Variants in KCNT1 observed in about 807,000 individuals in gnomAD.
KCNT1 encodes potassium channel subfamily T member 1.
In KCNT1, 78 loss-of-function variants were observed where a neutral mutation model predicts 147.8. The observed-to-expected ratio is 0.53, with a 90% confidence interval of 0.44 to 0.64. The LOEUF (loss-of-function observed/expected upper bound fraction) is 0.64, where lower values mean the gene tolerates loss of function less well. Among genes scored for constraint, KCNT1 ranks in the 30% least tolerant of loss-of-function variants. KCNT1 has a pLI of 0.00. For synonymous variants in KCNT1, 867 were observed against 748.8 expected (o/e 1.16, Z -2.58); for missense variants, 1,419 against 1,750.3 (o/e 0.81, Z 3.38).
intron 2 of KCNT1, among the ~76,000 whole-genome samples, chr9:135,717,049 G>C (rs1835747503): frequency 6.6e-6 from 1 of 151,630 alleles, no homozygotes. Flanking sequence ...CTGTGGTGTT[G>C]GTGTCTATAG....
Position 135,792,152 on chromosome 9 carries a change from A to C in KCNT1, c.3699A>C (p.Thr1233=), listed in dbSNP as rs750109650. ...GCAACCCCGAGACTCGCGACGAGAC[A>C]CAGCTCTGAGCCAGCCCTGCACGGA... ...SSCNPETRDE[T]QL is the part of the protein sequence containing the mutation. Residue 1233 remains threonine, a synonymous_variant, in exon 31 of 31, where the codon ACA becomes ACC. Transcript: ENST00000371757. 1.2e-6 allele frequency: 2 copies of C among 1,605,568 alleles called. No homozygotes were observed. The highest frequency in any genetic ancestry group is 1.7e-5 in the Admixed American group (1 of 59,912).
intron 19 of KCNT1, among the ~76,000 whole-genome samples, chr9:135,774,575 T>C (rs1318142322): frequency 6.6e-6 from 1 of 151,606 alleles, no homozygotes; most frequent in Non-Finnish European, 1.5e-5. Flanking sequence ...TGTGTCTGTG[T>C]GTTGTGTGTC....
At position 135,714,596 on chromosome 9, in the gene KCNT1, G is replaced by T. The variant is rs773228285; in HGVS notation, c.130G>T (p.Gly44Cys). 135 of 1,395,890 alleles carry T rather than the reference G, an allele frequency of 9.7e-5. No homozygotes were observed. The Middle Eastern group carries it at 1.3e-3, about 13-fold the overall frequency. 86.5% of individuals were successfully genotyped at this position (1,395,890 alleles called of 1,614,324 possible). The change falls in exon 2 of 31, where the codon GGC (glycine) becomes TGC (cysteine). Residue 44 changes from glycine to cysteine, a missense_variant. Physicochemically the swap from Gly to Cys is radical, Grantham distance 159 (BLOSUM62 -3). Around this residue, in one of 5 missense-constraint regions of KCNT1, gnomAD observed 181 missense variants for 155.7 expected, o/e 1.16. Transcript: ENST00000371757. The surrounding 1 kb of genome is among the most constrained non-coding windows in gnomAD (Gnocchi z 6.2). ...CAPRRPCAGDGALLDTAGFKM... is the reference protein window; with the variant it reads ...CAPRRPCAGDCALLDTAGFKM... ...CCGCAGGCGGCCCTGCGCGGGGGAC[G>T]GCGCGCTCCTGGACACCGCCGGCTT...
chr9:135,751,050 C>G lies in KCNT1; in HGVS notation c.434+9C>G. On this transcript the variant is annotated intron_variant, in intron 4 of 30. Coordinates refer to ENST00000371757, the MANE Select transcript of KCNT1 (RefSeq NM_020822.3). ...GCCCTGGGCATCGGATGGTGGGCCACGTGCGCGGCCGGGCGCGGGGTCCCG... is the reference window on the plus strand; with the variant it reads ...GCCCTGGGCATCGGATGGTGGGCCAGGTGCGCGGCCGGGCGCGGGGTCCCG... 1 of 1,607,526 alleles carries G rather than the reference C, an allele frequency of 6.2e-7. No homozygotes were observed. The highest frequency in any genetic ancestry group is 8.5e-7 in the Non-Finnish European group (1 of 1,178,990).
At chr9:135,746,100 C>G (rs1830819565) in intron 2 of KCNT1, among the ~76,000 whole-genome samples, 1 of 152,238 alleles carries the variant, frequency 6.6e-6, no homozygotes, top group Non-Finnish European at 1.5e-5. Flanking sequence ...TCGTTTTCAT[C>G]TCCTTTTTGT....
chr9:135,768,213 G>T (rs1347144872), intron 13 of KCNT1, among the ~76,000 whole-genome samples: 1 of 139,130 alleles, frequency 7.2e-6, no homozygotes, highest in Non-Finnish European at 1.6e-5. Context: ...GATGGGCCAG[G>T]GAGTCTGGAG....
chr9:135,784,257 C>T lies in KCNT1; in HGVS notation c.2943+132C>T, dbSNP rs1564390278. ...TGACCTTCCCTGGATTCCAAGGAGA[C>T]CTCTGGGCCCTGTCCTTGCCCCAGG... is the stretch of plus-strand genomic sequence containing the variant. On this transcript the variant is annotated intron_variant, in intron 25 of 30. Coordinates refer to ENST00000371757, the MANE Select transcript of KCNT1 (RefSeq NM_020822.3). 6 of 753,378 alleles carry T rather than the reference C, an allele frequency of 8.0e-6. No homozygotes were observed. The East Asian group carries it at 1.1e-4, about 13-fold the overall frequency. The allele number at this position is 753,378 out of a possible 1,614,324, so 46.7% of individuals were successfully genotyped here. A position where few individuals can be genotyped will look rare whatever the true frequency, so the allele number is the denominator to read the frequency against.
At chr9:135,706,185 G>T (rs1197799385) in intron 1 of KCNT1, among the ~76,000 whole-genome samples, 1 of 152,220 alleles carries the variant, frequency 6.6e-6, no homozygotes, top group African/African-American at 2.4e-5. Context: ...TTACGAGGTT[G>T]TGTTGAGCCC....
intron 1 of KCNT1, among the ~76,000 whole-genome samples, chr9:135,712,415 A>G (rs1439875573): frequency 6.6e-6 from 1 of 152,172 alleles, no homozygotes; most frequent in African/African-American, 2.4e-5. Context: ...TGGGTCACAC[A>G]GGGAGGACAG....
intron 24 of KCNT1, among the ~76,000 whole-genome samples, chr9:135,780,193 C>T (rs1437234153): frequency 3.9e-5 from 6 of 152,240 alleles, no homozygotes; most frequent in South Asian, 2.1e-4. Flanking sequence ...CTTGTCCACA[C>T]GGGGGCTGGT....
In KCNT1 at chr9:135,712,694, C is replaced by T. The variant is rs562751588; in HGVS notation, c.111-1883C>T. Among the ~76,000 whole-genome samples, 14 of 152,324 alleles carry T rather than the reference C, an allele frequency of 9.2e-5. No homozygotes were observed. The South Asian group carries it at 1.9e-3, about 20-fold the overall frequency. ...CCCTTTCCCAGAGACCCTGTAGCCC[C>T]GGCCCTCAGTCCCAGCCCTCAGCCA... On this transcript the variant is annotated intron_variant, in intron 1 of 30. Transcript: ENST00000371757.
At chr9:135,784,180 C>T in intron 25 of KCNT1, 55 bp downstream of exon 25, 1 of 1,342,500 alleles carries the variant, frequency 7.4e-7, no homozygotes, top group Non-Finnish European at 1.1e-6. Flanking sequence ...CCCCGTCATG[C>T]CCTCAGCTCT....
chr9:135,776,119 T>C (rs556230068), intron 20 of KCNT1, among the ~76,000 whole-genome samples: 85 of 152,098 alleles, frequency 5.6e-4, no homozygotes, highest in African/African-American at 1.8e-3. Context: ...CTGGGGTCAG[T>C]AGGGTTTCCC....
At position 135,714,452 on chromosome 9, in the gene KCNT1, C is replaced by T. The variant is rs943121371; in HGVS notation, c.111-125C>T. 1.7e-5 allele frequency: 10 copies of T among 582,808 alleles called. No homozygotes were observed. The highest frequency in any genetic ancestry group is 6.6e-5 in the Admixed American group (1 of 15,148). The allele number at this position is 582,808 out of a possible 1,614,324, so 36.1% of individuals were successfully genotyped here. On this transcript the variant is annotated intron_variant, in intron 1 of 30. Transcript: ENST00000371757. This position sits in a 1 kb window ranked among gnomAD's most constrained non-coding sequence, Gnocchi z 6.2. ...CCAGGCCCGCCCCCGCCCGGCCGCCCGCCCGCCCGGTGGGTCGCGGTGGCC... is the reference window on the plus strand; with the variant it reads ...CCAGGCCCGCCCCCGCCCGGCCGCCTGCCCGCCCGGTGGGTCGCGGTGGCC...
At chr9:135,703,254 C>T (rs866540762) in intron 1 of KCNT1, 1 of 152,358 alleles carries the variant, frequency 6.6e-6, no homozygotes, top group African/African-American at 2.4e-5. Context: ...AGAGCCCTTT[C>T]TTCTGGATCC....
At chr9:135,777,623 G>A (rs1349747885) in intron 21 of KCNT1, 113 bp downstream of exon 21, 3 of 974,386 alleles carry the variant, frequency 3.1e-6, no homozygotes, top group African/African-American at 1.6e-5. Flanking sequence ...GGGAACATGG[G>A]GCCTCTGGCC....
chr9:135,752,751 A>G lies in KCNT1; in HGVS notation c.435-1186A>G, dbSNP rs1256444243. 1.4e-5 allele frequency among the ~76,000 whole-genome samples: 2 copies of G among 147,892 alleles called. No homozygotes were observed. Among genetic ancestry groups the G allele is most frequent in the Admixed American group, 1.3e-4 (2 of 14,936 alleles). ...GTAGATGGATGGATGGATGGAATAG[A>G]TGGATGGAGGGATGAGTGGATGGGT... On this transcript the variant is annotated intron_variant, in intron 4 of 30. Transcript: ENST00000371757. The surrounding 1 kb of genome is among the most constrained non-coding windows in gnomAD (Gnocchi z 5.1).
At chr9:135,756,810 G>A (rs934081104) in intron 6 of KCNT1, 63 bp from the exon 7 acceptor site, 3 of 1,388,604 alleles carry the variant, frequency 2.2e-6, no homozygotes, top group Admixed American at 1.7e-5. Flanking sequence ...CGAGGCCTGT[G>A]GGGTCAGGCC....
intron 1 of KCNT1, among the ~76,000 whole-genome samples, chr9:135,712,098 C>T (rs1376415674): frequency 3.3e-5 from 5 of 152,186 alleles, no homozygotes; most frequent in African/African-American, 9.7e-5. Context: ...TGTGTGCTGA[C>T]AGCCCAGAGA....
Sources: allele counts gnomAD v4.1 joint callset (sites outside exome capture counted in the v4.1 genomes callset), GRCh38; gene constraint gnomAD v4.1.1; regional missense constraint gnomAD v4.1.1; non-coding constraint Gnocchi (gnomAD v3.1); transcripts MANE v1.5; gene names NCBI Gene and HGNC (gene_info 2026-07-23, HGNC 2026-07-21).